EPHA3: variants seen among roughly 807,000 people sequenced by gnomAD.
EPHA3 encodes ephrin type-A receptor 3.
Under a neutral mutation model 107.1 loss-of-function variants are expected in EPHA3, and 42 were observed. That is an observed-to-expected ratio of 0.39 (90% CI 0.31 to 0.51). The LOEUF is 0.51. Ranked by LOEUF, EPHA3 falls within the 20% of genes least tolerant of loss-of-function variation. The pLI, the probability that EPHA3 is intolerant of heterozygous loss-of-function variation, is 0.78. For synonymous variants in EPHA3, 461 were observed against 424.8 expected (o/e 1.09, Z -1.05); for missense variants, 1,183 against 1,211.2 (o/e 0.98, Z 0.35).
At chr3:89,341,480 C>T (rs1707519346) in intron 4 of EPHA3, among the ~76,000 whole-genome samples, 1 of 152,074 alleles carries the variant, frequency 6.6e-6, no homozygotes, top group Non-Finnish European at 1.5e-5. Context: ...CATAACTATT[C>T]ACAAGGGTTT....
chr3:89,317,976 T>C (rs1333481834), intron 3 of EPHA3, among the ~76,000 whole-genome samples: 3 of 151,820 alleles, frequency 2.0e-5, no homozygotes, highest in Non-Finnish European at 4.4e-5. Flanking sequence ...GGAATATATA[T>C]AATATTGCAC....
chr3:89,286,196 T>C (rs1272143696), intron 3 of EPHA3, among the ~76,000 whole-genome samples: 1 of 150,418 alleles, frequency 6.6e-6, no homozygotes, highest in Non-Finnish European at 1.5e-5. Flanking sequence ...ACCCTTGGGC[T>C]GGTTCCATTA....
chr3:89,160,895 G>T (rs767261924), intron 2 of EPHA3, among the ~76,000 whole-genome samples: 7 of 151,964 alleles, frequency 4.6e-5, no homozygotes, highest in Non-Finnish European at 8.8e-5. Context: ...CAATTTTTTG[G>T]TCTCAGGATT....
chr3:89,115,475 C>T (rs1229001230), intron 1 of EPHA3, among the ~76,000 whole-genome samples: 1 of 152,104 alleles, frequency 6.6e-6, no homozygotes, highest in Non-Finnish European at 1.5e-5. Context: ...TTTTTGGGAG[C>T]TGTGCTATCG....
At chr3:89,273,150 T>A (rs1208190967) in intron 3 of EPHA3, among the ~76,000 whole-genome samples, 4 of 151,982 alleles carry the variant, frequency 2.6e-5, no homozygotes, top group African/African-American at 9.7e-5. Context: ...TGATTTCTTA[T>A]TCCAACTGCT....
At chr3:89,246,394 T>G (rs1408428552) in intron 3 of EPHA3, among the ~76,000 whole-genome samples, 1 of 151,984 alleles carries the variant, frequency 6.6e-6, no homozygotes, top group Admixed American at 6.5e-5. Context: ...TGAGAAAAAG[T>G]AAGTTTAAAA....
At position 89,111,549 on chromosome 3, in the gene EPHA3, C is replaced by T. The variant is rs190772923; in HGVS notation, c.88+3713C>T. Among the ~76,000 whole-genome samples, 4 of 134,018 alleles carry T rather than the reference C, an allele frequency of 3.0e-5. No individual in the cohort carries two copies. In the East Asian group the frequency reaches 1.0e-3, roughly 35 times the overall value. The allele number at this position is 134,018 out of a possible 152,430, so 87.9% of individuals were successfully genotyped here. A position where few individuals can be genotyped will look rare whatever the true frequency, so the allele number is the denominator to read the frequency against. ...CCTCCATGGTTAACTGTGCTATTTG[C>T]CTGAAGGTAGGAGAAACCTTATTTT... On this transcript the variant is annotated intron_variant, in intron 1 of 16. Coordinates refer to ENST00000336596, the MANE Select transcript of EPHA3 (RefSeq NM_005233.6).
chr3:89,288,021 A>G (rs1459469238), intron 3 of EPHA3, among the ~76,000 whole-genome samples: 1 of 152,114 alleles, frequency 6.6e-6, no homozygotes, highest in Non-Finnish European at 1.5e-5. Context: ...ACATACCAGA[A>G]TTTATTTTTT....
At chr3:89,200,372 A>G (rs1559596981) in intron 2 of EPHA3, among the ~76,000 whole-genome samples, 1 of 152,232 alleles carries the variant, frequency 6.6e-6, no homozygotes, top group Non-Finnish European at 1.5e-5. Flanking sequence ...CTTCACATGT[A>G]GATATTCACT....
intron 2 of EPHA3, among the ~76,000 whole-genome samples, chr3:89,142,229 C>T (rs1381370776): frequency 1.3e-5 from 2 of 151,230 alleles, no homozygotes; most frequent in African/African-American, 2.4e-5. Flanking sequence ...TTTCCCCCAA[C>T]GTTCAATTTC....
At chr3:89,271,409 A>C (rs1705666433) in intron 3 of EPHA3, among the ~76,000 whole-genome samples, 3 of 151,974 alleles carry the variant, frequency 2.0e-5, no homozygotes, top group Admixed American at 2.0e-4. Flanking sequence ...TATTTTTCTA[A>C]TGTTTTTTTA....
chr3:89,397,944 T>A (rs1242425428), intron 6 of EPHA3, among the ~76,000 whole-genome samples: 3 of 152,218 alleles, frequency 2.0e-5, no homozygotes, highest in African/African-American at 7.2e-5. Context: ...GATTATTCCC[T>A]AAGTATTTTT....
At chr3:89,269,359 T>C (rs1705610125) in intron 3 of EPHA3, among the ~76,000 whole-genome samples, 1 of 152,112 alleles carries the variant, frequency 6.6e-6, no homozygotes. Flanking sequence ...TGAGAATATA[T>C]TAAAAATGCA....
At chr3:89,201,625 C>G (rs1705970769) in intron 2 of EPHA3, among the ~76,000 whole-genome samples, 1 of 152,080 alleles carries the variant, frequency 6.6e-6, no homozygotes, top group African/African-American at 2.4e-5. Flanking sequence ...AGCTATTCAC[C>G]AAAAATTGGG....
chr3:89,454,232 C>T (rs528861157), intron 15 of EPHA3, among the ~76,000 whole-genome samples: 6 of 152,214 alleles, frequency 3.9e-5, no homozygotes, highest in African/African-American at 9.6e-5. Context: ...AACTACTTCC[C>T]TACTTCTCTA....
At chr3:89,447,145 A>G (rs1440677399) in intron 13 of EPHA3, among the ~76,000 whole-genome samples, 2 of 152,176 alleles carry the variant, frequency 1.3e-5, no homozygotes, top group Non-Finnish European at 2.9e-5. Flanking sequence ...GCATATGTAG[A>G]TGAGTGCTTT....
At chr3:89,220,307 T>C (rs930930752) in intron 3 of EPHA3, among the ~76,000 whole-genome samples, 12 of 152,318 alleles carry the variant, frequency 7.9e-5, no homozygotes, top group Admixed American at 1.3e-4. Context: ...TCAGGAATTT[T>C]CTTTAAAATT....
intron 3 of EPHA3, among the ~76,000 whole-genome samples, chr3:89,327,342 G>A (rs1171403901): frequency 2.0e-5 from 3 of 152,098 alleles, no homozygotes; most frequent in Non-Finnish European, 4.4e-5. Flanking sequence ...GAAATGTTAA[G>A]GCAGTTAGAA....
intron 10 of EPHA3, 118 bp from the exon 11 acceptor site, chr3:89,419,087 T>A: frequency 9.7e-7 from 1 of 1,034,242 alleles, no homozygotes; most frequent in Non-Finnish European, 1.4e-6. Flanking sequence ...GTGTACATCT[T>A]GCAGGTCAAA....
Sources: gnomAD v4.1 joint callset for allele counts (sites outside exome capture counted in the v4.1 genomes callset) on GRCh38, gnomAD v4.1.1 for gene constraint, MANE v1.5 for transcripts, NCBI Gene and HGNC (gene_info 2026-07-23, HGNC 2026-07-21) for gene names.